The following DPYD variants were observed in gnomAD, a reference collection of about 807,000 sequenced individuals.
The protein encoded by DPYD is dihydropyrimidine dehydrogenase.
DPYD carries 109 observed loss-of-function variants against 116.2 expected under a neutral mutation model. The ratio of observed to expected loss-of-function variants is 0.94; its 90% CI spans 0.80 to 1.10. The LOEUF (loss-of-function observed/expected upper bound fraction) is 1.10. DPYD is among the 50% of genes least tolerant of loss of function. The probability of loss-of-function intolerance (pLI) is 0.00; values close to 1 mark genes in which losing one functional copy is unlikely to be tolerated. For synonymous variants in DPYD, 440 were observed against 432.0 expected, an observed-to-expected ratio of 1.02 and a Z score of -0.23; for missense variants, 1,302 against 1,254.5, an observed-to-expected ratio of 1.04 and a Z score of -0.57.
intron 3 of DPYD, among the ~76,000 whole-genome samples, chr1:97,786,541 A>C (rs947676461): frequency 3.3e-5 from 5 of 152,220 alleles, no homozygotes; most frequent in Admixed American, 1.3e-4. Flanking sequence ...TTCAATATTT[A>C]TCCTTCTCAT....
chr1:97,567,262 G>A (rs554842368), intron 11 of DPYD, among the ~76,000 whole-genome samples: 3 of 152,100 alleles, frequency 2.0e-5, no homozygotes, highest in African/African-American at 7.2e-5. Context: ...ACCCCATGAG[G>A]CTTTCAAAAA....
chr1:97,344,547 AAC>A (rs1669744536), intron 16 of DPYD, among the ~76,000 whole-genome samples: 1 of 151,712 alleles, frequency 6.6e-6, no homozygotes. Flanking sequence ...TTGTTATTTT[AAC>A]ATTCAATTTT....
intron 3 of DPYD, among the ~76,000 whole-genome samples, chr1:97,799,617 C>T (rs1422269242): frequency 1.3e-5 from 2 of 151,870 alleles, no homozygotes; most frequent in African/African-American, 2.4e-5. Context: ...GAGACTGTTA[C>T]CTCAAGATGC....
At chr1:97,358,360 A>T (rs535785454) in intron 16 of DPYD, among the ~76,000 whole-genome samples, 1 of 152,154 alleles carries the variant, frequency 6.6e-6, no homozygotes, top group South Asian at 2.1e-4. Flanking sequence ...TGTGGTCTCC[A>T]CCTCTGGGGG....
chr1:97,759,845 A>C (rs1378596852), intron 3 of DPYD, among the ~76,000 whole-genome samples: 3 of 152,204 alleles, frequency 2.0e-5, no homozygotes, highest in Non-Finnish European at 4.4e-5. Flanking sequence ...AAAGATGATC[A>C]GAATGTGATC....
rs114690646 is a variant in DPYD at position 97,659,859 on chromosome 1, T to C, written c.850+19236A>G. On this transcript the variant is annotated intron_variant, in intron 8 of 22. Coordinates refer to ENST00000370192, the MANE Select transcript of DPYD (RefSeq NM_000110.4). ...TTCATTTCTTCAATTTCCACCTTAC[T>C]GTATATGAGTATTGTATATTCATAT... Among the ~76,000 whole-genome samples the C allele has an allele frequency of 9.5e-4, 144 of 152,266 alleles. 1 individual carries two copies. Among genetic ancestry groups the C allele is most frequent in the Middle Eastern group, 3.4e-3 (1 of 294 alleles).
chr1:97,286,565 C>T (rs1203626190), intron 18 of DPYD, among the ~76,000 whole-genome samples: 25 of 152,200 alleles, frequency 1.6e-4, no homozygotes, highest in Middle Eastern at 3.4e-3. Flanking sequence ...ACCAATCAGA[C>T]GTAGATTTGG....
chr1:97,543,522 T>C (rs539369189), intron 12 of DPYD, among the ~76,000 whole-genome samples: 88 of 152,302 alleles, frequency 5.8e-4, no homozygotes, highest in Admixed American at 1.6e-3. Context: ...GTTTATAAAA[T>C]CATATTTTAA....
chr1:97,322,099 G>T (rs1668318110), intron 16 of DPYD, among the ~76,000 whole-genome samples: 2 of 105,358 alleles, frequency 1.9e-5, no homozygotes, highest in Non-Finnish European at 3.8e-5. Flanking sequence ...TGGGGGGAGG[G>T]GGGAGGGATA....
chr1:97,392,425 G>A (rs1293345551), intron 14 of DPYD, among the ~76,000 whole-genome samples: 1 of 151,466 alleles, frequency 6.6e-6, no homozygotes, highest in Non-Finnish European at 1.5e-5. Context: ...TGGGATTATA[G>A]CTTACCGTGG....
intron 18 of DPYD, among the ~76,000 whole-genome samples, chr1:97,254,154 T>C (rs1319934630): frequency 6.6e-6 from 1 of 152,152 alleles, no homozygotes; most frequent in Non-Finnish European, 1.5e-5. Flanking sequence ...AGGTCTCAGA[T>C]TCTACCCAAA....
At chr1:97,408,023 A>T (rs568530169) in intron 14 of DPYD, among the ~76,000 whole-genome samples, 3 of 152,256 alleles carry the variant, frequency 2.0e-5, no homozygotes, top group Admixed American at 2.0e-4. Context: ...CACAACGGAG[A>T]TAAGGAAGAT....
At chr1:97,902,871 T>C (rs1035013534) in intron 1 of DPYD, among the ~76,000 whole-genome samples, 1 of 151,896 alleles carries the variant, frequency 6.6e-6, no homozygotes, top group Non-Finnish European at 1.5e-5. Flanking sequence ...CATTTCAATC[T>C]AAATAACTGC....
At chr1:97,349,945 C>CA (rs71939887) in intron 16 of DPYD, among the ~76,000 whole-genome samples, 11,659 of 134,666 alleles carry the variant, frequency 0.087, 605 homozygotes, top group African/African-American at 0.13. Context: ...TAAAAGAATC[C>CA]AAAAAAAAAA....
chr1:97,450,775 C>A (rs972413641), intron 13 of DPYD, among the ~76,000 whole-genome samples: 7 of 151,836 alleles, frequency 4.6e-5, no homozygotes, highest in African/African-American at 1.7e-4. Context: ...AGGATTATAA[C>A]TATATATTCA....
intron 11 of DPYD, among the ~76,000 whole-genome samples, chr1:97,553,886 A>G (rs191146471): frequency 4.6e-5 from 7 of 152,196 alleles, no homozygotes; most frequent in Non-Finnish European, 1.5e-5. Context: ...TGGTGCCTGG[A>G]ATTTTATGCA....
rs145391155 is a variant in DPYD, at chr1:97,215,378, T to C, written c.2442+19474A>G. The stretch of plus-strand genomic sequence containing the variant: ...TGTTCTTATTTGGTGATTCTGAGAC[T>C]GATATCACTACCTGTCCAGTAGCTT... On this transcript the variant is annotated intron_variant, in intron 19 of 22. Transcript: ENST00000370192. Among the ~76,000 whole-genome samples the C allele has an allele frequency of 3.4e-3, 515 of 152,320 alleles. 5 individuals are homozygous for C. The highest frequency in any genetic ancestry group is 0.012 in the African/African-American group (500 of 41,576).
chr1:97,629,307 G>C (rs1248875706), intron 8 of DPYD, among the ~76,000 whole-genome samples: 1 of 152,002 alleles, frequency 6.6e-6, no homozygotes, highest in African/African-American at 2.4e-5. Context: ...ATAATCCCAG[G>C]AAACACCAAT....
intron 15 of DPYD, among the ~76,000 whole-genome samples, chr1:97,379,351 A>G (rs1006565853): frequency 3.9e-5 from 6 of 152,212 alleles, no homozygotes; most frequent in African/African-American, 4.8e-5. Flanking sequence ...GGATTGGTTG[A>G]GAGCAAGAAG....
Sources: allele counts gnomAD v4.1 joint callset (sites outside exome capture counted in the v4.1 genomes callset), GRCh38; gene constraint gnomAD v4.1.1; transcripts MANE v1.5; gene names NCBI Gene and HGNC (gene_info 2026-07-23, HGNC 2026-07-21).